The following ARHGEF10L variants were observed in gnomAD, a reference collection of about 807,000 sequenced individuals.
ARHGEF10L encodes rho guanine nucleotide exchange factor 10-like protein.
A neutral mutation model predicts 141.2 loss-of-function variants in ARHGEF10L; 69 were observed. That is an observed-to-expected ratio of 0.49 (90% CI 0.40 to 0.60). The LOEUF (loss-of-function observed/expected upper bound fraction) is 0.60, where lower values mean the gene tolerates loss of function less well. ARHGEF10L is among the 20% of genes least tolerant of loss of function. ARHGEF10L has a pLI of 0.00. For synonymous variants in ARHGEF10L, 711 were observed against 718.5 expected (o/e 0.99, Z 0.17); for missense variants, 1,482 against 1,734.3 (o/e 0.85, Z 2.58).
At chr1:17,543,804 C>T (rs181113995) in intron 1 of ARHGEF10L, among the ~76,000 whole-genome samples, 24 of 151,756 alleles carry the variant, frequency 1.6e-4, no homozygotes, top group East Asian at 1.6e-3. Context: ...CCTGCCACCA[C>T]GCCCAGCTAA....
chr1:17,624,065 C>T (rs576680492), intron 12 of ARHGEF10L, among the ~76,000 whole-genome samples: 1 of 152,308 alleles, frequency 6.6e-6, no homozygotes, highest in South Asian at 2.1e-4. Flanking sequence ...TCCCCCTGCC[C>T]TTCTCCTCCC....
chr1:17,596,999 C>G (rs1382313001), intron 4 of ARHGEF10L, among the ~76,000 whole-genome samples: 1 of 152,220 alleles, frequency 6.6e-6, no homozygotes, highest in Non-Finnish European at 1.5e-5. Flanking sequence ...GCTTGGAGCT[C>G]TGTGGACCAG....
In ARHGEF10L at chr1:17,634,620, C is replaced by T. The variant is rs114874849; in HGVS notation, c.1745+58C>T. The T allele has an allele frequency of 8.6e-3, 13,801 of 1,599,434 alleles. 1,000 individuals are homozygous for T. The African/African-American group carries it at 0.16, about 18-fold the overall frequency. On this transcript the variant is annotated intron_variant, in intron 17 of 28. Transcript: ENST00000361221. ...GCTCTGGGGCTCTGGGGCTCTGGTG[C>T]CATGTGATTCTGGATATGGGGCTGG...
At chr1:17,549,637 A>G (rs1158434895) in intron 1 of ARHGEF10L, among the ~76,000 whole-genome samples, 1 of 152,150 alleles carries the variant, frequency 6.6e-6, no homozygotes, top group Non-Finnish European at 1.5e-5. Flanking sequence ...AGGCCAGATG[A>G]ACTTGGCCTG....
intron 1 of ARHGEF10L, among the ~76,000 whole-genome samples, chr1:17,565,936 C>T (rs1276879663): frequency 6.6e-6 from 1 of 152,126 alleles, no homozygotes; most frequent in Non-Finnish European, 1.5e-5. Flanking sequence ...ACAAGTAGGT[C>T]GTGGTCTCTG....
rs201034542 is a variant in ARHGEF10L, at chr1:17,632,491, G to C, written c.1730+25G>C. 6.2e-6 allele frequency: 10 copies of C among 1,613,342 alleles called. No homozygotes were observed. In the East Asian group the frequency reaches 1.8e-4, roughly 29 times the overall value. On this transcript the variant is annotated intron_variant, in intron 16 of 28. Coordinates refer to ENST00000361221, the MANE Select transcript of ARHGEF10L (RefSeq NM_018125.4). ...AGTAAGTGGGCCTGGGTTGGAGGGG[G>C]CAATCACCCCTCCCTGGAGACCCCA...
rs964897580 is a variant in ARHGEF10L, at chr1:17,607,893, G to A, written c.525G>A (p.Glu175=). Residue 175 remains glutamate (E), a synonymous_variant, in exon 7 of 29, where the codon GAG becomes GAA. Coordinates refer to ENST00000361221, the MANE Select transcript of ARHGEF10L (RefSeq NM_018125.4). This position sits in a 1 kb window ranked among gnomAD's most constrained non-coding sequence, Gnocchi z 4.5. ...TAGGCTGGAGCTCCAGTGAGTTCGA[G>A]AGCTACAGCGAGGACTCGGGGGAGG... ...EDLGWSSSEF[E]SYSEDSGEEA... 7.0e-6 allele frequency: 11 copies of A among 1,563,338 alleles called. No homozygotes were observed. The Admixed American group carries it at 1.4e-4, about 19-fold the overall frequency.
chr1:17,621,412 T>C lies in ARHGEF10L; in HGVS notation c.943-452T>C, dbSNP rs980679382. 1.3e-5 allele frequency among the ~76,000 whole-genome samples: 2 copies of C among 152,126 alleles called. No homozygotes were observed. Among genetic ancestry groups the C allele is most frequent in the African/African-American group, 4.8e-5 (2 of 41,432 alleles). On this transcript the variant is annotated intron_variant, in intron 10 of 28. Coordinates refer to ENST00000361221, the MANE Select transcript of ARHGEF10L (RefSeq NM_018125.4). This position sits in a 1 kb window ranked among gnomAD's most constrained non-coding sequence, Gnocchi z 4.1. ...CACGCCCAGCTGATTTTTGTATTTT[T>C]ACTAGAGACAGGGTTTCACCATGTT...
At chr1:17,694,684 G>A (rs1034428932) in intron 27 of ARHGEF10L, 25 of 340,616 alleles carry the variant, frequency 7.3e-5, no homozygotes, top group East Asian at 1.7e-4. Context: ...GAGCCACCTC[G>A]ATGCCTCTCG....
rs2060353310 is a variant in ARHGEF10L at position 17,625,867 on chromosome 1, G to T, written c.1318-89G>T. On this transcript the variant is annotated intron_variant, in intron 13 of 28. Coordinates refer to ENST00000361221, the MANE Select transcript of ARHGEF10L (RefSeq NM_018125.4). This position sits in a 1 kb window ranked among gnomAD's most constrained non-coding sequence, Gnocchi z 4.5. ...GCAGGGTCTTAGGGCCTGGGGAGAGGAGCCCAGAATGGGGACAGTGTCTGG... is the reference window on the plus strand; with the variant it reads ...GCAGGGTCTTAGGGCCTGGGGAGAGTAGCCCAGAATGGGGACAGTGTCTGG... 12 of 1,149,586 alleles carry T rather than the reference G, an allele frequency of 1.0e-5. 1 individual carries two copies. The highest frequency in any genetic ancestry group is 2.4e-4 in the Middle Eastern group (1 of 4,240). 71.2% of individuals were successfully genotyped at this position (1,149,586 alleles called of 1,614,324 possible).
In ARHGEF10L at chr1:17,607,237, G is replaced by A. The variant is rs1489228621; in HGVS notation, c.434-565G>A. On this transcript the variant is annotated intron_variant, in intron 6 of 28. Transcript: ENST00000361221. This position sits in a 1 kb window ranked among gnomAD's most constrained non-coding sequence, Gnocchi z 4.5. ...CGCCTGTAACCCTGGCACTTTGGGA[G>A]GCCGTGGCAGGAGGATCACTTGAGT... Among the ~76,000 whole-genome samples, 1 of 152,188 alleles carries A rather than the reference G, an allele frequency of 6.6e-6. No individual in the cohort carries two copies. The highest frequency in any genetic ancestry group is 1.5e-5 in the Non-Finnish European group (1 of 68,032).
intron 26 of ARHGEF10L, among the ~76,000 whole-genome samples, chr1:17,666,896 T>C (rs1329195039): frequency 6.9e-6 from 1 of 145,644 alleles, no homozygotes; most frequent in Non-Finnish European, 1.5e-5. Context: ...CCAAGGGCCT[T>C]GCACTTCCTT....
chr1:17,569,245 T>G (rs145626429), intron 1 of ARHGEF10L, among the ~76,000 whole-genome samples: 11 of 152,268 alleles, frequency 7.2e-5, no homozygotes, highest in African/African-American at 2.6e-4. Flanking sequence ...CAGAGCCAAC[T>G]CCCGCCAGAG....
chr1:17,589,738 C>T (rs556243063), intron 4 of ARHGEF10L, among the ~76,000 whole-genome samples: 21 of 152,236 alleles, frequency 1.4e-4, no homozygotes, highest in African/African-American at 4.3e-4. Flanking sequence ...TGGGAAGGGC[C>T]GTGATGGCTG....
At chr1:17,634,804 C>T (rs888486602) in intron 17 of ARHGEF10L, 31 bp from the exon 18 acceptor site, 3 of 1,589,324 alleles carry the variant, frequency 1.9e-6, no homozygotes, top group Non-Finnish European at 2.6e-6. Flanking sequence ...GCTGCAGCCT[C>T]TCCAGGGCCT....
At chr1:17,677,958 G>A (rs761587725) in intron 26 of ARHGEF10L, among the ~76,000 whole-genome samples, 17 of 152,180 alleles carry the variant, frequency 1.1e-4, no homozygotes, top group Non-Finnish European at 8.8e-5. Flanking sequence ...TGTCCTCTCT[G>A]ACTAGAGGCT....
chr1:17,525,553 G>A, the ARHGEF10L span, among the ~76,000 whole-genome samples: 27 of 152,326 alleles, frequency 1.8e-4, no homozygotes, highest in Admixed American at 1.6e-3. Flanking sequence ...CAGCTACTCA[G>A]GAGGCTGAGA....
chr1:17,523,620 T>G, the ARHGEF10L span, among the ~76,000 whole-genome samples: 1 of 152,262 alleles, frequency 6.6e-6, no homozygotes, highest in Non-Finnish European at 1.5e-5. Context: ...CCACCCAAGG[T>G]CACACACTGT....
At chr1:17,616,812 A>C (rs961739076) in intron 9 of ARHGEF10L, among the ~76,000 whole-genome samples, 1 of 152,234 alleles carries the variant, frequency 6.6e-6, no homozygotes, top group African/African-American at 2.4e-5. Context: ...GTCACCAGGC[A>C]GAGCGGAGTG....
Sources: gnomAD v4.1 joint callset for allele counts (sites outside exome capture counted in the v4.1 genomes callset) on GRCh38, gnomAD v4.1.1 for gene constraint, Gnocchi (gnomAD v3.1) non-coding constraint, MANE v1.5 for transcripts, NCBI Gene and HGNC (gene_info 2026-07-23, HGNC 2026-07-21) for gene names.